Variants in FHOD3 observed in about 807,000 individuals in gnomAD.
The protein encoded by FHOD3 is FH1/FH2 domain-containing protein 3.
FHOD3 carries 90 observed loss-of-function variants against 173.0 expected under a neutral mutation model. The ratio of observed to expected loss-of-function variants is 0.52; its 90% CI spans 0.44 to 0.62. The LOEUF (loss-of-function observed/expected upper bound fraction) is 0.62, where lower values mean the gene tolerates loss of function less well. Ranked by LOEUF, FHOD3 falls within the 20% of genes least tolerant of loss-of-function variation. FHOD3 has a pLI of 0.00. For missense variants in FHOD3, 1,945 were observed against 2,034.7 expected, an observed-to-expected ratio of 0.96 and a Z score of 0.85; for synonymous variants, 828 against 823.0, an observed-to-expected ratio of 1.01 and a Z score of -0.10.
At chr18:36,681,596 T>TA (rs1568599287) in intron 15 of FHOD3, 26 bp downstream of exon 15, 1 of 1,602,194 alleles carries the variant, frequency 6.2e-7, no homozygotes, top group Non-Finnish European at 8.5e-7. Flanking sequence ...AGATTTTTTT[T>TA]AAATAGTGAG....
chr18:36,496,499 G>A (rs989115665), intron 3 of FHOD3, among the ~76,000 whole-genome samples: 9 of 152,182 alleles, frequency 5.9e-5, no homozygotes, highest in Non-Finnish European at 4.4e-5. Flanking sequence ...ATAGGTTTAG[G>A]CAGAGAGGCT....
intron 16 of FHOD3, among the ~76,000 whole-genome samples, chr18:36,688,008 C>T (rs1473443052): frequency 1.3e-5 from 2 of 152,108 alleles, no homozygotes; most frequent in Admixed American, 1.3e-4. Context: ...TTCGAACCAG[C>T]CTAGGTCATA....
intron 6 of FHOD3, among the ~76,000 whole-genome samples, chr18:36,588,193 A>G (rs923054595): frequency 1.3e-5 from 2 of 152,176 alleles, no homozygotes; most frequent in Non-Finnish European, 2.9e-5. Context: ...GGAGTCTGGG[A>G]TGTCTGTTGG....
chr18:36,305,215 T>G (rs2144521806), intron 1 of FHOD3, among the ~76,000 whole-genome samples: 1 of 152,338 alleles, frequency 6.6e-6, no homozygotes, highest in African/African-American at 2.4e-5. Flanking sequence ...GGAATCTACA[T>G]TGTATCTATT....
At chr18:36,316,036 C>T (rs114104423) in intron 1 of FHOD3, among the ~76,000 whole-genome samples, 6,006 of 151,380 alleles carry the variant, frequency 0.04, 363 homozygotes, top group African/African-American at 0.13. Flanking sequence ...GGGGTGGCCC[C>T]GGGCCTGAGA....
At chr18:36,363,489 T>C (rs2046734068) in intron 2 of FHOD3, among the ~76,000 whole-genome samples, 1 of 152,170 alleles carries the variant, frequency 6.6e-6, no homozygotes, top group South Asian at 2.1e-4. Context: ...GTGATCAAGC[T>C]AGAAAAGACA....
At chr18:36,755,742 GTAACCA>G (rs1337372013) in intron 25 of FHOD3, among the ~76,000 whole-genome samples, 1 of 152,186 alleles carries the variant, frequency 6.6e-6, no homozygotes, top group African/African-American at 2.4e-5. Flanking sequence ...ACGGTGCTGT[GTAACCA>G]ATCAGTTGAC....
chr18:36,504,948 C>T (rs926517671), intron 4 of FHOD3, among the ~76,000 whole-genome samples: 12 of 152,126 alleles, frequency 7.9e-5, no homozygotes, highest in Non-Finnish European at 1.3e-4. Context: ...TCACAACACA[C>T]GATTTATTTA....
chr18:36,354,394 T>C (rs2046263972), intron 1 of FHOD3, among the ~76,000 whole-genome samples: 1 of 152,198 alleles, frequency 6.6e-6, no homozygotes, highest in Non-Finnish European at 1.5e-5. Context: ...TACAGAGTCC[T>C]CATTTTACAG....
chr18:36,401,451 A>T (rs551265856), intron 3 of FHOD3, among the ~76,000 whole-genome samples: 128 of 152,312 alleles, frequency 8.4e-4, no homozygotes, highest in Non-Finnish European at 1.5e-3. Flanking sequence ...AGTCTGAATG[A>T]ACTAAGACAG....
intron 10 of FHOD3, among the ~76,000 whole-genome samples, chr18:36,636,290 G>A (rs908103378): frequency 1.3e-5 from 2 of 152,202 alleles, no homozygotes; most frequent in African/African-American, 4.8e-5. Flanking sequence ...GGATCCCTTT[G>A]GAGATGGAGC....
At chr18:36,636,971 T>G (rs1039701658) in intron 10 of FHOD3, among the ~76,000 whole-genome samples, 1 of 97,832 alleles carries the variant, frequency 1.0e-5, no homozygotes, top group Non-Finnish European at 2.1e-5. Context: ...CAAATAATTT[T>G]GATCATGAGA....
At chr18:36,600,784 C>T (rs767345925) in intron 7 of FHOD3, among the ~76,000 whole-genome samples, 11 of 152,242 alleles carry the variant, frequency 7.2e-5, no homozygotes, top group South Asian at 2.1e-4. Flanking sequence ...GGACCTGTTT[C>T]GCATCTTTGG....
At chr18:36,388,321 T>A (rs1265002033) in intron 3 of FHOD3, among the ~76,000 whole-genome samples, 1 of 152,116 alleles carries the variant, frequency 6.6e-6, no homozygotes, top group African/African-American at 2.4e-5. Flanking sequence ...CTGCTCTTTT[T>A]CAGACATAGA....
At chr18:36,775,297 G>T (rs1229649334) in intron 28 of FHOD3, among the ~76,000 whole-genome samples, 1 of 152,214 alleles carries the variant, frequency 6.6e-6, no homozygotes, top group Non-Finnish European at 1.5e-5. Flanking sequence ...TGCTGCAAAG[G>T]TGAAAGCGCA....
chr18:36,579,330 A>G (rs2058765203), intron 6 of FHOD3, among the ~76,000 whole-genome samples: 1 of 152,224 alleles, frequency 6.6e-6, no homozygotes, highest in Non-Finnish European at 1.5e-5. Context: ...AACTTGCCCT[A>G]TTTCTAAAAG....
At chr18:36,698,337 T>C (rs1205925961) in intron 17 of FHOD3, among the ~76,000 whole-genome samples, 2 of 152,230 alleles carry the variant, frequency 1.3e-5, no homozygotes, top group African/African-American at 4.8e-5. Context: ...TTTCTCCTCA[T>C]AGAAATGACA....
chr18:36,504,650 G>C (rs1404876370), intron 4 of FHOD3, among the ~76,000 whole-genome samples: 1 of 151,926 alleles, frequency 6.6e-6, no homozygotes. Context: ...GCTAAATGAC[G>C]AGTTAATGGG....
intron 20 of FHOD3, among the ~76,000 whole-genome samples, chr18:36,739,302 A>G (rs2041791208): frequency 6.6e-6 from 1 of 152,226 alleles, no homozygotes; most frequent in African/African-American, 2.4e-5. Context: ...TACAGTTGCC[A>G]AGAACCCATA....
Sources: allele counts gnomAD v4.1 joint callset (sites outside exome capture counted in the v4.1 genomes callset), GRCh38; gene constraint gnomAD v4.1.1; transcripts MANE v1.5; gene names NCBI Gene and HGNC (gene_info 2026-07-23, HGNC 2026-07-21).